Variants in SMPD3 observed in about 807,000 individuals in gnomAD.
SMPD3 encodes nSMase-2.
Under a neutral mutation model 55.7 loss-of-function variants are expected in SMPD3, and 21 were observed. That is an observed-to-expected ratio of 0.38 (90% CI 0.27 to 0.54). SMPD3 has a LOEUF of 0.54. SMPD3 is among the 20% of genes least tolerant of loss of function. The pLI is 0.80. For synonymous variants in SMPD3, 457 were observed against 404.3 expected, an observed-to-expected ratio of 1.13 and a Z score of -1.56; for missense variants, 842 against 899.6, an observed-to-expected ratio of 0.94 and a Z score of 0.82.
intron 1 of SMPD3, among the ~76,000 whole-genome samples, chr16:68,419,928 G>T (rs201550628): frequency 4.0e-5 from 6 of 151,238 alleles, no homozygotes; most frequent in Non-Finnish European, 7.4e-5. Flanking sequence ...CATCTGTAAA[G>T]TGGGGATCAG....
chr16:68,385,273 CTGATA>C (rs1214614356), intron 2 of SMPD3, among the ~76,000 whole-genome samples: 1 of 152,176 alleles, frequency 6.6e-6, no homozygotes, highest in Non-Finnish European at 1.5e-5. Context: ...CTTGCCAAGG[CTGATA>C]TAAGTGATAT....
chr16:68,401,489 G>T (rs1292391164), intron 1 of SMPD3, among the ~76,000 whole-genome samples: 1 of 152,012 alleles, frequency 6.6e-6, no homozygotes, highest in African/African-American at 2.4e-5. Flanking sequence ...GGCGTAAGTG[G>T]GATGTTACAG....
At chr16:68,407,535 A>T (rs992967418) in intron 1 of SMPD3, among the ~76,000 whole-genome samples, 7 of 152,084 alleles carry the variant, frequency 4.6e-5, no homozygotes, top group African/African-American at 1.7e-4. Context: ...AGTCTTTGCT[A>T]TGTTGGCCAA....
In SMPD3 at chr16:68,371,535, C is replaced by T. The variant is rs535869964; in HGVS notation, c.647G>A (p.Gly216Asp). 3 of 1,601,834 alleles carry T rather than the reference C, an allele frequency of 1.9e-6. No individual in the cohort carries two copies. In the African/African-American group the frequency reaches 4.0e-5, roughly 21 times the overall value. ...RTASVEYKGD[G>D]GRHPGDEAAN... Reference sequence around the variant, plus strand: ...AGCCTCGTCACCGGGGTGCCGCCCACCGTCACCCTTGTACTCCACAGAGGC... The same window carrying T: ...AGCCTCGTCACCGGGGTGCCGCCCATCGTCACCCTTGTACTCCACAGAGGC... The change falls in exon 3 of 9, where the codon GGT becomes GAT. Residue 216 changes from glycine to aspartate, a missense_variant. Coordinates refer to ENST00000219334, the MANE Select transcript of SMPD3 (RefSeq NM_018667.4).
chr16:68,381,966 T>C (rs2089960487), intron 2 of SMPD3: 1 of 152,232 alleles, frequency 6.6e-6, no homozygotes, highest in South Asian at 2.1e-4. Flanking sequence ...AATAATGATG[T>C]TCCTTTGTCC....
intron 2 of SMPD3, among the ~76,000 whole-genome samples, chr16:68,378,732 C>A (rs1436015749): frequency 6.6e-6 from 1 of 152,188 alleles, no homozygotes; most frequent in Non-Finnish European, 1.5e-5. Flanking sequence ...GCCCTCCTGA[C>A]CTGGAAGGTC....
intron 1 of SMPD3, among the ~76,000 whole-genome samples, chr16:68,441,639 T>C (rs896501668): frequency 6.6e-6 from 1 of 152,160 alleles, no homozygotes; most frequent in African/African-American, 2.4e-5. Flanking sequence ...TTATAGCACA[T>C]CTTAATTGCC....
At chr16:68,365,189 C>T (rs2089440107) in intron 3 of SMPD3, 97 bp from the exon 4 acceptor site, 1 of 1,253,118 alleles carries the variant, frequency 8.0e-7, no homozygotes, top group Non-Finnish European at 1.1e-6. Context: ...AGGTCAGACC[C>T]TCACAAGCCT....
chr16:68,366,833 C>T (rs759217004), intron 3 of SMPD3, among the ~76,000 whole-genome samples: 1 of 152,112 alleles, frequency 6.6e-6, no homozygotes, highest in Non-Finnish European at 1.5e-5. Context: ...CATGGTGAAA[C>T]GCTGTCTCTA....
At chr16:68,386,040 TG>T (rs1195562354) in intron 2 of SMPD3, among the ~76,000 whole-genome samples, 1 of 152,106 alleles carries the variant, frequency 6.6e-6, no homozygotes, top group Non-Finnish European at 1.5e-5. Context: ...TAAGGCAACA[TG>T]GCGACACCAG....
Position 68,371,186 on chromosome 16 carries a change from C to G in SMPD3, c.996G>C (p.Lys332Asn). The G allele has an allele frequency of 1.9e-6, 3 of 1,612,742 alleles. No homozygotes were observed. Among genetic ancestry groups the G allele is most frequent in the Non-Finnish European group, 2.5e-6 (3 of 1,179,812 alleles). The stretch of plus-strand genomic sequence containing the variant: ...GGTGCCGCCTCCTGCGTGCAGCCGC[C>G]TTCTTCACCACCGAGGCCTTGTACA... Reference protein sequence around the residue: ...KLLYKASVVKKAAARRRRHPD... With the variant: ...KLLYKASVVKNAAARRRRHPD... The change falls in exon 3 of 9, where the codon AAG (lysine) becomes AAC (asparagine). Residue 332 changes from lysine (K) to asparagine (N), a missense_variant. By Grantham distance (94) the Lys-to-Asn change is moderately conservative. This residue lies in a region of SMPD3 where 649 missense variants were observed against 643.6 expected (regional missense o/e 1.01). Coordinates refer to ENST00000219334, the MANE Select transcript of SMPD3 (RefSeq NM_018667.4).
chr16:68,405,948 G>T (rs1336825281), intron 1 of SMPD3, among the ~76,000 whole-genome samples: 1 of 152,186 alleles, frequency 6.6e-6, no homozygotes, highest in Non-Finnish European at 1.5e-5. Context: ...GCACATTCCT[G>T]ATGCTGAACA....
At chr16:68,431,712 A>C (rs1349604497) in intron 1 of SMPD3, among the ~76,000 whole-genome samples, 1 of 152,230 alleles carries the variant, frequency 6.6e-6, no homozygotes, top group Non-Finnish European at 1.5e-5. Context: ...ACTTGAGGTC[A>C]GGAGTTCAAG....
intron 1 of SMPD3, among the ~76,000 whole-genome samples, chr16:68,440,452 C>T (rs964860910): frequency 1.3e-5 from 2 of 152,164 alleles, no homozygotes; most frequent in South Asian, 2.1e-4. Context: ...CCACTCGCCT[C>T]GACCTCTCAA....
intron 1 of SMPD3, among the ~76,000 whole-genome samples, chr16:68,439,589 G>A (rs1324996802): frequency 6.6e-6 from 1 of 152,196 alleles, no homozygotes; most frequent in African/African-American, 2.4e-5. Flanking sequence ...AATCTGTGTT[G>A]CTCTCCTGCT....
chr16:68,373,381 C>T (rs528678628), intron 2 of SMPD3, among the ~76,000 whole-genome samples: 2 of 152,356 alleles, frequency 1.3e-5, no homozygotes, highest in South Asian at 2.1e-4. Context: ...TGCCCAGTCT[C>T]CGGGGACCCA....
intron 1 of SMPD3, among the ~76,000 whole-genome samples, chr16:68,438,758 A>G (rs2090544731): frequency 6.6e-6 from 1 of 152,154 alleles, no homozygotes; most frequent in South Asian, 2.1e-4. Context: ...GACCAAGCAT[A>G]AGACTTCTCC....
chr16:68,395,411 C>T (rs1009407164), intron 1 of SMPD3, among the ~76,000 whole-genome samples: 14 of 152,198 alleles, frequency 9.2e-5, no homozygotes, highest in African/African-American at 3.4e-4. Context: ...AAAAAAGATT[C>T]TATTTTATTA....
intron 1 of SMPD3, among the ~76,000 whole-genome samples, chr16:68,390,806 A>G (rs979167474): frequency 1.3e-5 from 2 of 152,218 alleles, no homozygotes; most frequent in Admixed American, 6.5e-5. Flanking sequence ...GGAGGGTGCC[A>G]TGGTTGGACA....
Sources: gnomAD v4.1 joint callset for allele counts (sites outside exome capture counted in the v4.1 genomes callset) on GRCh38, gnomAD v4.1.1 for gene constraint, gnomAD v4.1.1 regional missense constraint, MANE v1.5 for transcripts, NCBI Gene and HGNC (gene_info 2026-07-23, HGNC 2026-07-21) for gene names.